The following TARDBP variants were observed in gnomAD, a reference collection of about 807,000 sequenced individuals.
TARDBP encodes TAR DNA binding protein, also known as TAR DNA-binding protein 43.
In TARDBP, 4 loss-of-function variants were observed where a neutral mutation model predicts 38.3. That is an observed-to-expected ratio of 0.10 (90% CI 0.05 to 0.24). The LOEUF (loss-of-function observed/expected upper bound fraction) is 0.24, where lower values mean the gene tolerates loss of function less well. Ranked by LOEUF, TARDBP falls within the 10% of genes least tolerant of loss-of-function variation. TARDBP has a pLI of 1.00. For synonymous variants in TARDBP, 184 were observed against 183.8 expected, an observed-to-expected ratio of 1.00 and a Z score of -0.01; for missense variants, 202 against 521.9, an observed-to-expected ratio of 0.39 and a Z score of 5.97.
intron 3 of TARDBP, among the ~76,000 whole-genome samples, chr1:11,017,771 G>A (rs562059732): frequency 1.3e-5 from 2 of 152,274 alleles, no homozygotes; most frequent in East Asian, 1.9e-4. Context: ...TTAAAATCCT[G>A]TTGTGGTGGC....
chr1:11,025,942 A>G (rs1643725093), downstream of TARDBP: 1 of 154,800 alleles, frequency 6.5e-6, no homozygotes, highest in East Asian at 1.9e-4. Context: ...CTGTTGTGTG[A>G]TGTGTGCTTT....
At chr1:11,030,240 C>G, downstream of TARDBP, 4 of 1,613,146 alleles carry the variant, frequency 2.5e-6, no homozygotes, top group Non-Finnish European at 3.4e-6. Flanking sequence ...CAGCCTCACA[C>G]ACATATTTAC....
At chr1:11,028,697 GTTTTTTTTCTTTT>G (rs1643782309), downstream of TARDBP, among the ~76,000 whole-genome samples, 2 of 36,178 alleles carry the variant, frequency 5.5e-5, no homozygotes, top group African/African-American at 2.6e-4. Context: ...ATCTTTCTGG[GTTTTTTTTCTTTT>G]TTTTTTTTTT....
intron 2 of TARDBP, chr1:11,016,340 A>G (rs1188543177): frequency 1.8e-5 from 3 of 163,114 alleles, no homozygotes; most frequent in Non-Finnish European, 4.0e-5. Context: ...TGCAGTGGCT[A>G]TTCATAGGCA....
rs1643648753 is a variant in TARDBP, at chr1:11,022,007, G to A, written c.715-117G>A. The A allele has an allele frequency of 9.9e-6, 12 of 1,211,860 alleles. No individual in the cohort carries two copies. Among genetic ancestry groups the A allele is most frequent in the Non-Finnish European group, 1.4e-5 (12 of 836,026 alleles). 75.1% of individuals were successfully genotyped at this position (1,211,860 alleles called of 1,614,324 possible). On this transcript the variant is annotated intron_variant, in intron 5 of 5. Coordinates refer to ENST00000240185, the MANE Select transcript of TARDBP (RefSeq NM_007375.4). This position sits in a 1 kb window ranked among gnomAD's most constrained non-coding sequence, Gnocchi z 4.5. Reference sequence around the variant, plus strand: ...GGTTTAAATGAAATGAGTGTTCATTGCTTATTTTTCCTCTGGCTTTAGATA... The same window carrying A: ...GGTTTAAATGAAATGAGTGTTCATTACTTATTTTTCCTCTGGCTTTAGATA...
At chr1:11,030,528 A>G, downstream of TARDBP, 2 of 581,606 alleles carry the variant, frequency 3.4e-6, no homozygotes, top group Non-Finnish European at 6.0e-6. Context: ...TTTGGAATAC[A>G]TTGTGTGTTT....
intron 2 of TARDBP, among the ~76,000 whole-genome samples, chr1:11,015,190 A>G (rs72870033): frequency 1.2e-3 from 186 of 151,922 alleles, no homozygotes; most frequent in African/African-American, 4.0e-3. Context: ...TATTTACTCA[A>G]ATTTAAAATG....
At chr1:11,016,535 T>C (rs1215224897) in intron 2 of TARDBP, among the ~76,000 whole-genome samples, 1 of 152,224 alleles carries the variant, frequency 6.6e-6, no homozygotes, top group Non-Finnish European at 1.5e-5. Flanking sequence ...AAGTTGCTGA[T>C]ATTTAAAGTC....
chr1:11,027,596 CT>C (rs1043314790), downstream of TARDBP: 2 of 1,614,060 alleles, frequency 1.2e-6, no homozygotes, highest in African/African-American at 2.7e-5. Flanking sequence ...CAGGTTTTGC[CT>C]TTTGCCCTCC....
chr1:11,018,996 G>A (rs1183586667), intron 4 of TARDBP, 123 bp downstream of exon 4: 23 of 1,430,516 alleles, frequency 1.6e-5, no homozygotes, highest in Non-Finnish European at 2.2e-5. Context: ...CTTTTGTCTT[G>A]TTGAAGTCTT....
chr1:11,014,817 A>G (rs1365721912), intron 2 of TARDBP, among the ~76,000 whole-genome samples: 1 of 152,128 alleles, frequency 6.6e-6, no homozygotes, highest in Non-Finnish European at 1.5e-5. Flanking sequence ...GGTGCCTGTA[A>G]TACTAGCTAC....
At chr1:11,030,516 C>T (rs936206090) in exon 3 of TARDBP, 1 of 573,908 alleles carries the variant, frequency 1.7e-6, no homozygotes, top group Non-Finnish European at 3.0e-6. Context: ...TAAATTAAAC[C>T]ATTTGGAATA....
downstream of TARDBP, among the ~76,000 whole-genome samples, chr1:11,029,497 A>G (rs921554513): frequency 6.6e-6 from 1 of 152,094 alleles, no homozygotes; most frequent in Non-Finnish European, 1.5e-5. Context: ...ATTGATGTTT[A>G]AAAACTAGAT....
downstream of TARDBP, chr1:11,029,812 AT>A (rs1291888323): frequency 6.1e-6 from 1 of 164,584 alleles, no homozygotes; most frequent in African/African-American, 2.4e-5. Flanking sequence ...CTAATTTTGT[AT>A]TTTTATTAGA....
chr1:11,017,577 A>G (rs1643553238), intron 3 of TARDBP, among the ~76,000 whole-genome samples: 1 of 152,126 alleles, frequency 6.6e-6, no homozygotes, highest in African/African-American at 2.4e-5. Flanking sequence ...ATTTATACAT[A>G]TATGTTGTAC....
chr1:11,023,907 CAAAG>C lies in TARDBP; in HGVS notation c.*1256_*1259del, dbSNP rs1042358752. On this transcript the variant is annotated 3_prime_UTR_variant, in exon 6 of 6. Coordinates refer to ENST00000240185, the MANE Select transcript of TARDBP (RefSeq NM_007375.4). ...AGTTCACCAGTGAGCTCAGGTGTCT[CAAAG>C]AAGGGTGGAAGTTCTAATGTCTGTT... 6.6e-6 allele frequency: 1 copy of C among 152,592 alleles called. No homozygotes were observed. The highest frequency in any genetic ancestry group is 1.5e-5 in the Non-Finnish European group (1 of 68,060). The allele number at this position is 152,592 out of a possible 1,614,324, so 9.5% of individuals were successfully genotyped here.
rs61443822 is a variant in TARDBP, at chr1:11,017,202, C to CT, written c.402+213dup. On this transcript the variant is annotated intron_variant, in intron 3 of 5. Transcript: ENST00000240185. ...GCCCAGCCACAATCTTGTTACCTTT[C>CT]TTTTTTTTTTTTTTTTTTGGAGACC... 0.018 allele frequency among the ~76,000 whole-genome samples: 1,870 copies of CT among 105,854 alleles called. 59 individuals carry two copies. The highest frequency in any genetic ancestry group is 0.075 in the Admixed American group (748 of 9,992). 69.4% of individuals were successfully genotyped at this position (105,854 alleles called of 152,430 possible).
downstream of TARDBP, chr1:11,030,114 T>G: frequency 2.4e-6 from 3 of 1,225,858 alleles, no homozygotes. Flanking sequence ...CTCTCCTCAC[T>G]GTCTCCTACC....
At chr1:11,018,663 G>T in intron 3 of TARDBP, 70 bp from the exon 4 acceptor site, 1 of 1,606,964 alleles carries the variant, frequency 6.2e-7, no homozygotes, top group Non-Finnish European at 8.5e-7. Flanking sequence ...GTTTTCTAAG[G>T]AACTATGATT....
Sources: gnomAD v4.1 joint callset for allele counts (sites outside exome capture counted in the v4.1 genomes callset) on GRCh38, gnomAD v4.1.1 for gene constraint, Gnocchi (gnomAD v3.1) non-coding constraint, MANE v1.5 for transcripts, NCBI Gene and HGNC (gene_info 2026-07-23, HGNC 2026-07-21) for gene names.